PLEKHM1: variants seen among roughly 807,000 people sequenced by gnomAD.
PLEKHM1 encodes the protein pleckstrin homology and RUN domain containing M1.
A neutral mutation model predicts 94.3 loss-of-function variants in PLEKHM1; 28 were observed. The ratio of observed to expected loss-of-function variants is 0.30; its 90% CI spans 0.22 to 0.41. The LOEUF is 0.41. Among genes scored for constraint, PLEKHM1 ranks in the 10% least tolerant of loss-of-function variants. The pLI, the probability that PLEKHM1 is intolerant of heterozygous loss-of-function variation, is 1.00. For missense variants in PLEKHM1, 907 were observed against 1,358.6 expected (o/e 0.67, Z 5.22); for synonymous variants, 424 against 581.2 (o/e 0.73, Z 3.89).
intron 5 of PLEKHM1, among the ~76,000 whole-genome samples, chr17:45,467,799 TTAA>T (rs1320060648): frequency 6.6e-6 from 1 of 152,012 alleles, no homozygotes; most frequent in African/African-American, 2.4e-5. Flanking sequence ...AAATATTAAT[TTAA>T]TAATAACAAG....
intron 2 of PLEKHM1, among the ~76,000 whole-genome samples, chr17:45,481,095 C>G (rs1406966489): frequency 3.9e-5 from 6 of 152,086 alleles, no homozygotes; most frequent in Admixed American, 2.0e-4. Context: ...TTTTTTATTA[C>G]AGCCATCCTA....
intron 4 of PLEKHM1, among the ~76,000 whole-genome samples, chr17:45,472,200 A>G (rs1183225820): frequency 6.6e-6 from 1 of 152,234 alleles, no homozygotes; most frequent in East Asian, 1.9e-4. Flanking sequence ...ATACACTTCA[A>G]GAAATGCTGG....
Position 45,435,948 on chromosome 17 carries a change from G to A in PLEKHM1, c.*1910C>T, listed in dbSNP as rs142700852. On this transcript the variant is annotated 3_prime_UTR_variant, in exon 12 of 12. Coordinates refer to ENST00000430334, the MANE Select transcript of PLEKHM1 (RefSeq NM_014798.3). ...CTGCAAAATCATTCAAAACTCACAC[G>A]GCAGCAATTCCTTCAATACATTGCA... 4.4e-6 allele frequency: 2 copies of A among 456,372 alleles called. No individual in the cohort carries two copies. Among genetic ancestry groups the A allele is most frequent in the South Asian group, 1.5e-5 (1 of 64,554 alleles). The allele number at this position is 456,372 out of a possible 1,614,324, so 28.3% of individuals were successfully genotyped here. A position where few individuals can be genotyped will look rare whatever the true frequency, so the allele number is the denominator to read the frequency against.
At chr17:45,475,813 T>A in intron 3 of PLEKHM1, 87 bp from the exon 4 acceptor site, 15 of 1,344,316 alleles carry the variant, frequency 1.1e-5, no homozygotes, top group Non-Finnish European at 1.6e-5. Flanking sequence ...GAACCAGGAA[T>A]AACTACTGCA....
chr17:45,487,648 T>C, intron 1 of PLEKHM1: 1 of 454,820 alleles, frequency 2.2e-6, no homozygotes, highest in Non-Finnish European at 4.4e-6. Context: ...TTATACTGCC[T>C]GGCCTTCTCT....
chr17:45,457,522 T>C (rs962648497), intron 6 of PLEKHM1, among the ~76,000 whole-genome samples: 3 of 150,300 alleles, frequency 2.0e-5, no homozygotes, highest in Non-Finnish European at 3.0e-5. Context: ...ATCACATGAT[T>C]GCACTCCAGC....
rs1366275100 is a variant in PLEKHM1 at position 45,437,088 on chromosome 17, C to T, written c.*770G>A. Reference sequence around the variant, plus strand: ...TGACAGTGCTGGTTTCCAGTCATTTCTCCTTCTCCTAATGGGGCCAAGGCC... The same window carrying T: ...TGACAGTGCTGGTTTCCAGTCATTTTTCCTTCTCCTAATGGGGCCAAGGCC... On this transcript the variant is annotated 3_prime_UTR_variant, in exon 12 of 12. Coordinates refer to ENST00000430334, the MANE Select transcript of PLEKHM1 (RefSeq NM_014798.3). The surrounding 1 kb of genome is among the most constrained non-coding windows in gnomAD (Gnocchi z 4.0). 2.2e-6 allele frequency: 1 copy of T among 454,514 alleles called. No homozygotes were observed. The highest frequency in any genetic ancestry group is 1.6e-5 in the South Asian group (1 of 64,476). 28.2% of individuals were successfully genotyped at this position (454,514 alleles called of 1,614,324 possible). A position where few individuals can be genotyped will look rare whatever the true frequency, so the allele number is the denominator to read the frequency against.
intron 8 of PLEKHM1, among the ~76,000 whole-genome samples, 153 bp downstream of exon 8, chr17:45,450,465 G>T (rs2050745856): frequency 6.6e-6 from 1 of 152,188 alleles, no homozygotes; most frequent in Non-Finnish European, 1.5e-5. Context: ...TTTTCTCTTG[G>T]TTAGCTCCCC....
intron 4 of PLEKHM1, 139 bp downstream of exon 4, chr17:45,474,961 T>C (rs2051665075): frequency 1.2e-6 from 1 of 852,254 alleles, no homozygotes; most frequent in East Asian, 2.6e-5. Context: ...CCTGGAGAAG[T>C]CGATGACTCC....
Position 45,458,206 on chromosome 17 carries a change from C to A in PLEKHM1, c.1542G>T (p.Gly514=), listed in dbSNP as rs1158776705. 6.2e-7 allele frequency: 1 copy of A among 1,613,428 alleles called. No homozygotes were observed. The highest frequency in any genetic ancestry group is 8.5e-7 in the Non-Finnish European group (1 of 1,179,732). Residue 514 remains glycine, a synonymous_variant, in exon 6 of 12, where the codon GGG becomes GGT. Transcript: ENST00000430334. ...RRQAQAAPSQ[G]HKSFRVVHRR... ...GGTGTACCACCCGGAAGCTCTTATG[C>A]CCCTGGGATGGGGCTGCCTGGGCTT...
At chr17:45,440,324 G>A in intron 9 of PLEKHM1, 98 bp from the exon 10 acceptor site, 1 of 1,229,242 alleles carries the variant, frequency 8.1e-7, no homozygotes, top group East Asian at 2.3e-5. Context: ...TCACCAGGCA[G>A]ACACCCCCCG....
Position 45,478,262 on chromosome 17 carries a change from ATGTG to A in PLEKHM1, c.49-119_49-116del, listed in dbSNP as rs201287838. 2,504 of 1,192,002 alleles carry A rather than the reference ATGTG, an allele frequency of 2.1e-3. 44 individuals are homozygous for A. The African/African-American group carries it at 0.034, about 16-fold the overall frequency. The allele number at this position is 1,192,002 out of a possible 1,614,324, so 73.8% of individuals were successfully genotyped here. On this transcript the variant is annotated intron_variant, in intron 2 of 11. Transcript: ENST00000430334. ...TGTGCAACCACATGCACACACATCTATGTGTGTGTCTGTAGATTCCTTCTGCAAA... is the reference window on the plus strand; with the variant it reads ...TGTGCAACCACATGCACACACATCTATGTGTCTGTAGATTCCTTCTGCAAA...
downstream of PLEKHM1, chr17:45,435,832 G>A (rs1261909695): frequency 1.2e-5 from 5 of 405,816 alleles, no homozygotes; most frequent in Admixed American, 1.3e-4. Flanking sequence ...GACCCTGACA[G>A]ATGGTAACAG....
At chr17:45,458,146 C>G (rs369155461) in intron 6 of PLEKHM1, 23 bp downstream of exon 6, 79 of 1,610,234 alleles carry the variant, frequency 4.9e-5, no homozygotes, top group Non-Finnish European at 6.3e-5. Flanking sequence ...TGGGACCCAC[C>G]CGGGACCCTC....
In PLEKHM1 at chr17:45,454,074, C is replaced by A. The variant is rs372119492; in HGVS notation, c.1778G>T (p.Arg593Leu). The change falls in exon 7 of 12, where the codon CGC becomes CTC. Residue 593 changes from arginine to leucine, a missense_variant. By Grantham distance (102) the Arg-to-Leu change is moderately radical. Around this residue, in one of 3 missense-constraint regions of PLEKHM1, gnomAD observed 477 missense variants for 601.5 expected, o/e 0.79. Transcript: ENST00000430334. ...CTTGCCAGAGAAGACCAGCTCAAAG[C>A]GCCCATCACTATGGGCTGGCCCCAC... ...ESVGPAHSDGRFELVFSGKKL... is the reference protein window; with the variant it reads ...ESVGPAHSDGLFELVFSGKKL... The A allele has an allele frequency of 1.9e-6, 3 of 1,614,190 alleles. No homozygotes were observed. In the South Asian group the frequency reaches 3.3e-5, roughly 18 times the overall value.
rs1230342006 is a variant in PLEKHM1 at position 45,440,241 on chromosome 17, C to A, written c.2838-15G>T. ...TGTGGTTGAGCCTTCAAACAAAACA[C>A]AAGCGATTCTTTAGAAAGGTTTCCA... is the stretch of plus-strand genomic sequence containing the variant. On this transcript the variant is annotated splice_polypyrimidine_tract_variant and intron_variant, in intron 9 of 11. Coordinates refer to ENST00000430334, the MANE Select transcript of PLEKHM1 (RefSeq NM_014798.3). 3.1e-6 allele frequency: 5 copies of A among 1,613,392 alleles called. No homozygotes were observed. Among genetic ancestry groups the A allele is most frequent in the Non-Finnish European group, 4.2e-6 (5 of 1,179,308 alleles).
rs2145218893 is a variant in PLEKHM1 at position 45,453,883 on chromosome 17, G to A, written c.1969C>T (p.Pro657Ser). 1.9e-6 allele frequency: 3 copies of A among 1,613,914 alleles called. No individual in the cohort carries two copies. The highest frequency in any genetic ancestry group is 2.5e-6 in the Non-Finnish European group (3 of 1,179,820). The stretch of plus-strand genomic sequence containing the variant: ...GCGGGCTCCGAGAGCAGGTCTGAGG[G>A]AGAGAGGCAGCCCTGGGGCGCCTCG... ...PPEAPQGCLS[P>S]SDLLSEPAAL... Residue 657 changes from proline (P) to serine (S), a missense_variant, in exon 7 of 12, where the codon CCC becomes TCC. By Grantham distance (74) the Pro-to-Ser change is moderately conservative (BLOSUM62 -1). This residue lies in a region of PLEKHM1 where 477 missense variants were observed against 601.5 expected (regional missense o/e 0.79). Coordinates refer to ENST00000430334, the MANE Select transcript of PLEKHM1 (RefSeq NM_014798.3). The surrounding 1 kb of genome is among the most constrained non-coding windows in gnomAD (Gnocchi z 4.1).
At chr17:45,452,883 ACACAGATCTAGGACATTTT>A (rs1214155770) in intron 7 of PLEKHM1, 1 of 223,868 alleles carries the variant, frequency 4.5e-6, no homozygotes, top group Non-Finnish European at 9.0e-6. Context: ...GGCACTGGAC[ACACAGATCTAGGACATTTT>A]CATCATCACA....
chr17:45,460,441 G>A (rs572647004), intron 5 of PLEKHM1: 2 of 152,148 alleles, frequency 1.3e-5, no homozygotes, highest in Non-Finnish European at 2.9e-5. Flanking sequence ...TGTATTTCTA[G>A]TAGAGACAAA....
Sources: gnomAD v4.1 joint callset for allele counts (sites outside exome capture counted in the v4.1 genomes callset) on GRCh38, gnomAD v4.1.1 for gene constraint, gnomAD v4.1.1 regional missense constraint, Gnocchi (gnomAD v3.1) non-coding constraint, MANE v1.5 for transcripts, NCBI Gene and HGNC (gene_info 2026-07-23, HGNC 2026-07-21) for gene names.